The following ZNF286A variants were observed in gnomAD, a reference collection of about 807,000 sequenced individuals.
The protein encoded by ZNF286A is zinc finger protein 286A, also known as zinc finger protein ZNF286.
In ZNF286A, 34 loss-of-function variants were observed where a neutral mutation model predicts 49.3. The observed-to-expected ratio is 0.69, with a 90% CI of 0.52 to 0.92. ZNF286A has a LOEUF of 0.92. Among genes scored for constraint, ZNF286A ranks in the 40% least tolerant of loss-of-function variants. ZNF286A has a pLI of 0.00. For synonymous variants in ZNF286A, 155 were observed against 200.4 expected (o/e 0.77, Z 1.91); for missense variants, 462 against 600.2 (o/e 0.77, Z 2.41).
chr17:15,711,150 G>C (rs1014965741), intron 5 of ZNF286A, among the ~76,000 whole-genome samples: 15 of 152,052 alleles, frequency 9.9e-5, no homozygotes, highest in African/African-American at 3.6e-4. Flanking sequence ...CTGACCTCAT[G>C]ATCCGCCCGC....
At chr17:15,711,620 A>G (rs1226026528) in intron 5 of ZNF286A, among the ~76,000 whole-genome samples, 2 of 152,148 alleles carry the variant, frequency 1.3e-5, no homozygotes, top group African/African-American at 4.8e-5. Context: ...AAATGGCTAG[A>G]CAATAAATAA....
At chr17:15,706,301 G>A in intron 3 of ZNF286A, 86 bp from the exon 4 acceptor site, 1 of 1,040,944 alleles carries the variant, frequency 9.6e-7, no homozygotes, top group Non-Finnish European at 1.5e-6. Context: ...TGCATCTCAG[G>A]CTTTTGCTCC....
In ZNF286A at chr17:15,716,329, C is replaced by G; in HGVS notation, c.605C>G (p.Ser202Cys). Residue 202 changes from serine to cysteine, a missense_variant, in exon 6 of 6, where the codon TCT becomes TGT. Around this residue, in one of 3 missense-constraint regions of ZNF286A, gnomAD observed 259 missense variants for 272.2 expected, o/e 0.95. Coordinates refer to ENST00000583566, the MANE Select transcript of ZNF286A (RefSeq NM_001130842.2). ...DVYWKSFNQK[S>C]VLITEDRVPK... Reference sequence around the variant, plus strand: ...TACTGGAAAAGCTTCAATCAGAAATCTGTCCTTATCACTGAAGACAGAGTT... The same window carrying G: ...TACTGGAAAAGCTTCAATCAGAAATGTGTCCTTATCACTGAAGACAGAGTT... The G allele has an allele frequency of 6.2e-7, 1 of 1,613,902 alleles. No homozygotes were observed. Among genetic ancestry groups the G allele is most frequent in the Non-Finnish European group, 8.5e-7 (1 of 1,179,830 alleles).
intron 5 of ZNF286A, among the ~76,000 whole-genome samples, chr17:15,711,988 C>T (rs1009824676): frequency 3.3e-5 from 5 of 150,770 alleles, no homozygotes; most frequent in South Asian, 4.2e-4. Context: ...TCTCCTGCCT[C>T]GGCCTCCTGA....
At position 15,716,048 on chromosome 17, in the gene ZNF286A, A is replaced by G. The variant is rs781038857; in HGVS notation, c.335-11A>G. On this transcript the variant is annotated splice_polypyrimidine_tract_variant and intron_variant, in intron 5 of 5. Coordinates refer to ENST00000583566, the MANE Select transcript of ZNF286A (RefSeq NM_001130842.2). ...AAAACGAAGGAAATTTGCATTTCCA[A>G]TGTCTTTCAGACATGGAGACTAGAC... The G allele has an allele frequency of 3.1e-6, 5 of 1,613,866 alleles. No individual in the cohort carries two copies. The South Asian group carries it at 4.4e-5, about 14-fold the overall frequency.
chr17:15,709,840 T>G (rs1425004184), intron 5 of ZNF286A: 2 of 1,547,628 alleles, frequency 1.3e-6, no homozygotes. Flanking sequence ...ATCCTTTTTT[T>G]GATTCCTTAT....
rs769116482 is a variant in ZNF286A, at chr17:15,717,930, A to ATTTTTTTTTTTTTT, written c.*648_*661dup. ...TTCACATGGATTATGTACATCATTG[A>ATTTTTTTTTTTTTT]TTTTTTTTTTTTTTTTTTTTTGAGA... On this transcript the variant is annotated 3_prime_UTR_variant, in exon 6 of 6. Transcript: ENST00000583566. The ATTTTTTTTTTTTTT allele has an allele frequency of 1.0e-5, 1 of 97,006 alleles. No homozygotes were observed. The highest frequency in any genetic ancestry group is 1.8e-5 in the Non-Finnish European group (1 of 54,308). 6.0% of individuals were successfully genotyped at this position (97,006 alleles called of 1,614,324 possible).
intron 4 of ZNF286A, among the ~76,000 whole-genome samples, chr17:15,707,155 C>A (rs1426935884): frequency 1.3e-5 from 2 of 151,648 alleles, no homozygotes; most frequent in East Asian, 1.9e-4. Context: ...AAAGTGACTT[C>A]TGAGGCCGGG....
chr17:15,712,164 G>A (rs945086805), intron 5 of ZNF286A, among the ~76,000 whole-genome samples: 27 of 152,282 alleles, frequency 1.8e-4, no homozygotes, highest in East Asian at 5.8e-4. Flanking sequence ...GAGCCACTGC[G>A]TCCAGCAATA....
rs199895526 is a variant in ZNF286A at position 15,706,418 on chromosome 17, A to G, written c.158A>G (p.Asp53Gly). Residue 53 changes from aspartate to glycine, a missense_variant, in exon 4 of 6, where the codon GAC becomes GGC. Around this residue, in one of 3 missense-constraint regions of ZNF286A, gnomAD observed 259 missense variants for 272.2 expected, o/e 0.95. Transcript: ENST00000583566. Reference sequence around the variant, plus strand: ...GTGACATTCAAGGATGTGGCCATGGACTTTACACCAGAGGAGTGGGGGAAG... The same window carrying G: ...GTGACATTCAAGGATGTGGCCATGGGCTTTACACCAGAGGAGTGGGGGAAG... ...ETVTFKDVAMDFTPEEWGKLD... is the reference protein window; with the variant it reads ...ETVTFKDVAMGFTPEEWGKLD... The G allele has an allele frequency of 4.3e-5, 69 of 1,613,906 alleles. No individual in the cohort carries two copies. Among genetic ancestry groups the G allele is most frequent in the Non-Finnish European group, 5.7e-5 (67 of 1,179,986 alleles).
In ZNF286A at chr17:15,710,288, C is replaced by CT. The variant is rs201909665; in HGVS notation, c.334+2050dup. ...AGAATTAAACATTTTTAATAACAAA[C>CT]TTTTTTTTTAAATAGTGCTTTTTGT... On this transcript the variant is annotated intron_variant, in intron 5 of 5. Coordinates refer to ENST00000583566, the MANE Select transcript of ZNF286A (RefSeq NM_001130842.2). 4.7e-4 allele frequency among the ~76,000 whole-genome samples: 72 copies of CT among 151,586 alleles called. 1 individual carries two copies. The highest frequency in any genetic ancestry group is 1.7e-3 in the African/African-American group (69 of 41,278).
intron 5 of ZNF286A, among the ~76,000 whole-genome samples, chr17:15,712,592 CCTCT>C (rs140161956): frequency 6.6e-6 from 1 of 151,748 alleles, no homozygotes; most frequent in Non-Finnish European, 1.5e-5. Context: ...TACATCACCC[CCTCT>C]CTCCTTTATC....
chr17:15,704,300 C>T (rs1990024912), intron 3 of ZNF286A: 2 of 1,610,116 alleles, frequency 1.2e-6, no homozygotes, highest in African/African-American at 1.3e-5. Flanking sequence ...TCGCGCTCGC[C>T]AGCATGCTTC....
chr17:15,720,735 G>A lies in ZNF286A; in HGVS notation c.*3445G>A, dbSNP rs1410678373. On this transcript the variant is annotated 3_prime_UTR_variant, in exon 6 of 6. Transcript: ENST00000583566. Reference sequence around the variant, plus strand: ...TTTTGGTTATCTGTAAACTAAATGTGCCCTTATTGGCTCACTTGTCAATAA... The same window carrying A: ...TTTTGGTTATCTGTAAACTAAATGTACCCTTATTGGCTCACTTGTCAATAA... 6.6e-6 allele frequency: 1 copy of A among 151,694 alleles called. No individual in the cohort carries two copies. Among genetic ancestry groups the A allele is most frequent in the Non-Finnish European group, 1.5e-5 (1 of 67,962 alleles). The allele number at this position is 151,694 out of a possible 1,614,324, so 9.4% of individuals were successfully genotyped here.
intron 3 of ZNF286A, among the ~76,000 whole-genome samples, chr17:15,704,063 ATTATT>A (rs1379328649): frequency 2.9e-5 from 3 of 103,866 alleles, no homozygotes; most frequent in Admixed American, 9.4e-5. Context: ...TATTATTATT[ATTATT>A]TTTTTTTTTT....
At chr17:15,703,053 A>T (rs1989908745) in intron 3 of ZNF286A, among the ~76,000 whole-genome samples, 1 of 152,146 alleles carries the variant, frequency 6.6e-6, no homozygotes, top group Admixed American at 6.5e-5. Flanking sequence ...CTAATGGGGT[A>T]TTAGGCCCAT....
intron 3 of ZNF286A, among the ~76,000 whole-genome samples, chr17:15,702,487 C>T (rs558177222): frequency 1.6e-4 from 24 of 150,188 alleles, no homozygotes; most frequent in Non-Finnish European, 2.9e-4. Flanking sequence ...TGCACTCCAG[C>T]CTGGGTGAGA....
chr17:15,706,954 T>C (rs1160923731), intron 4 of ZNF286A, among the ~76,000 whole-genome samples: 1 of 151,606 alleles, frequency 6.6e-6, no homozygotes, highest in Non-Finnish European at 1.5e-5. Context: ...TTCCTGGGAG[T>C]TTCAGCAAAT....
At chr17:15,704,165 T>C in intron 3 of ZNF286A, 1 of 1,154,612 alleles carries the variant, frequency 8.7e-7, no homozygotes, top group Non-Finnish European at 1.2e-6. Context: ...TTAAATAACT[T>C]AGAGACAGAG....
Sources: gnomAD v4.1 joint callset for allele counts (sites outside exome capture counted in the v4.1 genomes callset) on GRCh38, gnomAD v4.1.1 for gene constraint, gnomAD v4.1.1 regional missense constraint, MANE v1.5 for transcripts, NCBI Gene and HGNC (gene_info 2026-07-23, HGNC 2026-07-21) for gene names.